KIRREL1: variants seen among roughly 807,000 people sequenced by gnomAD.
KIRREL1 encodes the protein kirre like nephrin family adhesion molecule 1.
Under a neutral mutation model 83.3 loss-of-function variants are expected in KIRREL1, and 25 were observed. The ratio of observed to expected loss-of-function variants is 0.30; its 90% CI spans 0.22 to 0.42. The LOEUF is 0.42. KIRREL1 is among the 10% of genes least tolerant of loss of function. The pLI, the probability that KIRREL1 is intolerant of heterozygous loss-of-function variation, is 1.00. For synonymous variants in KIRREL1, 388 were observed against 410.4 expected (o/e 0.95, Z 0.66); for missense variants, 812 against 1,032.3 (o/e 0.79, Z 2.92).
intron 1 of KIRREL1, among the ~76,000 whole-genome samples, chr1:158,014,842 TG>T (rs1415020574): frequency 1.3e-5 from 2 of 152,126 alleles, no homozygotes; most frequent in Admixed American, 6.5e-5. Context: ...TCTAGATCTC[TG>T]AATTGCTAGG....
At chr1:158,000,563 T>C (rs1659333970) in intron 1 of KIRREL1, among the ~76,000 whole-genome samples, 1 of 152,234 alleles carries the variant, frequency 6.6e-6, no homozygotes, top group Non-Finnish European at 1.5e-5. Flanking sequence ...ATTAAGTTCT[T>C]GGAGCATCCA....
At chr1:158,088,527 C>T in intron 8 of KIRREL1, 73 bp downstream of exon 8, 4 of 1,320,956 alleles carry the variant, frequency 3.0e-6, no homozygotes, top group Non-Finnish European at 4.0e-6. Flanking sequence ...CTCTGTCGCC[C>T]AGGCTGGAGT....
rs114355782 is a variant in KIRREL1, at chr1:158,035,817, G to A, written c.53-40296G>A. Among the ~76,000 whole-genome samples the A allele has an allele frequency of 7.1e-3, 1,081 of 152,258 alleles. 11 individuals are homozygous for A. Among genetic ancestry groups the A allele is most frequent in the African/African-American group, 0.025 (1,026 of 41,526 alleles). ...GTGATTGGATGTTTGGGTGATTTTAGCCACAGTCTATGTCCTAGTAGCAGT... is the reference window on the plus strand; with the variant it reads ...GTGATTGGATGTTTGGGTGATTTTAACCACAGTCTATGTCCTAGTAGCAGT... On this transcript the variant is annotated intron_variant, in intron 1 of 14. Transcript: ENST00000359209.
chr1:158,060,971 C>G (rs544595965), intron 1 of KIRREL1, among the ~76,000 whole-genome samples: 2 of 152,030 alleles, frequency 1.3e-5, no homozygotes, highest in Non-Finnish European at 2.9e-5. Context: ...TGCTCCTGTC[C>G]CCACCTTCCA....
rs1343314077 is a variant in KIRREL1, at chr1:158,096,953, T to G, written c.*1833T>G. On this transcript the variant is annotated 3_prime_UTR_variant, in exon 15 of 15. Transcript: ENST00000359209. The stretch of plus-strand genomic sequence containing the variant: ...CAGCCACAGGCCATTACCACCCTTA[T>G]GGATGGGTCTGGGGGGCGACATTCC... The G allele has an allele frequency of 2.2e-6, 1 of 456,666 alleles. No individual in the cohort carries two copies. Among genetic ancestry groups the G allele is most frequent in the Non-Finnish European group, 4.4e-6 (1 of 226,990 alleles). The allele number at this position is 456,666 out of a possible 1,614,324, so 28.3% of individuals were successfully genotyped here.
intron 1 of KIRREL1, among the ~76,000 whole-genome samples, chr1:158,022,165 T>C (rs1298297741): frequency 6.6e-6 from 1 of 152,110 alleles, no homozygotes; most frequent in Non-Finnish European, 1.5e-5. Flanking sequence ...GCATTCTGAT[T>C]TCTGGGCACA....
At chr1:157,995,141 T>C (rs72710102) in intron 1 of KIRREL1, among the ~76,000 whole-genome samples, 13,527 of 152,276 alleles carry the variant, frequency 0.089, 843 homozygotes, top group Middle Eastern at 0.15. Context: ...TCTGTTCCCT[T>C]CCTGCGTTTG....
intron 1 of KIRREL1, among the ~76,000 whole-genome samples, chr1:158,017,657 A>G (rs936507122): frequency 6.6e-6 from 1 of 152,026 alleles, no homozygotes; most frequent in East Asian, 1.9e-4. Context: ...GCGCTACTGC[A>G]CTCCAGACTG....
At chr1:158,073,880 C>T (rs1420689779) in intron 1 of KIRREL1, among the ~76,000 whole-genome samples, 1 of 152,168 alleles carries the variant, frequency 6.6e-6, no homozygotes, top group Non-Finnish European at 1.5e-5. Flanking sequence ...CAGCGAGAGA[C>T]CAGGGTGTCC....
intron 1 of KIRREL1, among the ~76,000 whole-genome samples, chr1:158,038,017 G>A (rs556953891): frequency 1.1e-4 from 16 of 152,328 alleles, no homozygotes; most frequent in African/African-American, 3.6e-4. Context: ...GCCTGCCAGC[G>A]GCTCAATGGC....
chr1:158,089,421 G>C, intron 8 of KIRREL1, 81 bp from the exon 9 acceptor site: 4 of 1,581,628 alleles, frequency 2.5e-6, no homozygotes, highest in Non-Finnish European at 3.4e-6. Context: ...CTTTCTTTCC[G>C]ATGCCTCCGA....
intron 1 of KIRREL1, among the ~76,000 whole-genome samples, chr1:158,007,176 C>T (rs897782837): frequency 5.3e-5 from 8 of 152,164 alleles, no homozygotes; most frequent in African/African-American, 1.7e-4. Flanking sequence ...CATGGGTTCC[C>T]ATCTTCCCCA....
In KIRREL1 at chr1:158,080,702, C is replaced by T. The variant is rs1368215522; in HGVS notation, c.352+2562C>T. Among the ~76,000 whole-genome samples the T allele has an allele frequency of 3.3e-5, 5 of 152,138 alleles. No individual in the cohort carries two copies. The East Asian group carries it at 5.8e-4, about 18-fold the overall frequency. On this transcript the variant is annotated intron_variant, in intron 3 of 14. Transcript: ENST00000359209. ...CTCTACCCATCCAGGATCTTCCTCC[C>T]GGGTGTGGCAGCAACATGTGACCTT... is the stretch of plus-strand genomic sequence containing the variant.
chr1:158,093,412 C>G lies in KIRREL1; in HGVS notation c.1545C>G (p.Ala515=). 1 of 1,614,248 alleles carries G rather than the reference C, an allele frequency of 6.2e-7. No individual in the cohort carries two copies. Among genetic ancestry groups the G allele is most frequent in the South Asian group, 1.1e-5 (1 of 91,082 alleles). ...ASILLIFFFI[A]LVFFLYRRRK... ...TCCTGCTCATCTTCTTCTTCATCGC[C>G]TTGGTATTCTTCCTCTACCGGCGCC... is the stretch of plus-strand genomic sequence containing the variant. Residue 515 remains alanine, a synonymous_variant, in exon 12 of 15, where the codon GCC becomes GCG. Coordinates refer to ENST00000359209, the MANE Select transcript of KIRREL1 (RefSeq NM_018240.7).
At chr1:158,072,262 A>G (rs545058991) in intron 1 of KIRREL1, among the ~76,000 whole-genome samples, 6 of 152,180 alleles carry the variant, frequency 3.9e-5, no homozygotes, top group African/African-American at 1.4e-4. Flanking sequence ...GGTCAGGGGC[A>G]TGCTCTGCCT....
chr1:157,998,772 C>T (rs534222014), intron 1 of KIRREL1, among the ~76,000 whole-genome samples: 6 of 152,318 alleles, frequency 3.9e-5, no homozygotes, highest in Non-Finnish European at 5.9e-5. Flanking sequence ...TTCAACCCTC[C>T]TTCTTAGCCT....
intron 1 of KIRREL1, among the ~76,000 whole-genome samples, chr1:158,071,464 G>A (rs1558010526): frequency 6.6e-6 from 1 of 152,244 alleles, no homozygotes; most frequent in Non-Finnish European, 1.5e-5. Context: ...CTGTGATGGT[G>A]TCTGAAGGCA....
intron 1 of KIRREL1, among the ~76,000 whole-genome samples, chr1:158,020,953 G>A (rs1659990480): frequency 6.6e-6 from 1 of 152,178 alleles, no homozygotes; most frequent in African/African-American, 2.4e-5. Flanking sequence ...CAGGGCCGCT[G>A]GATTTATTGG....
rs1184180110 is a variant in KIRREL1, at chr1:158,027,148, G to T, written c.52+33420G>T. On this transcript the variant is annotated intron_variant, in intron 1 of 14. Coordinates refer to ENST00000359209, the MANE Select transcript of KIRREL1 (RefSeq NM_018240.7). ...GCTTCTGACTGGCTGGCTACAAATT[G>T]GGGTTCCCAAGACCCCATCCTGAGG... Among the ~76,000 whole-genome samples, 4 of 152,152 alleles carry T rather than the reference G, an allele frequency of 2.6e-5. No homozygotes were observed. In the East Asian group the frequency reaches 7.7e-4, roughly 29 times the overall value.
Sources: allele counts gnomAD v4.1 joint callset (sites outside exome capture counted in the v4.1 genomes callset), GRCh38; gene constraint gnomAD v4.1.1; transcripts MANE v1.5; gene names NCBI Gene and HGNC (gene_info 2026-07-23, HGNC 2026-07-21).